HMCN1: variants seen among roughly 807,000 people sequenced by gnomAD.
HMCN1 encodes hemicentin-1.
Under a neutral mutation model 625.9 loss-of-function variants are expected in HMCN1, and 321 were observed. The observed-to-expected ratio is 0.51, with a 90% confidence interval of 0.47 to 0.56. The LOEUF is 0.56. Among genes scored for constraint, HMCN1 ranks in the 20% least tolerant of loss-of-function variants. The pLI is 0.00. For synonymous variants in HMCN1, 2,425 were observed against 2,417.6 expected, an observed-to-expected ratio of 1.00 and a Z score of -0.09; for missense variants, 6,588 against 6,887.3, an observed-to-expected ratio of 0.96 and a Z score of 1.54.
chr1:185,879,719 G>A (rs185301255), intron 4 of HMCN1, among the ~76,000 whole-genome samples: 2 of 152,184 alleles, frequency 1.3e-5, no homozygotes, highest in African/African-American at 4.8e-5. Context: ...TTGTGAGAAA[G>A]TAAGACGTCT....
chr1:185,764,050 A>C (rs1271021392), intron 1 of HMCN1, among the ~76,000 whole-genome samples: 1 of 152,186 alleles, frequency 6.6e-6, no homozygotes, highest in African/African-American at 2.4e-5. Flanking sequence ...ATGGGAAGGA[A>C]GCCAGTTCCT....
intron 1 of HMCN1, among the ~76,000 whole-genome samples, chr1:185,766,896 T>C (rs184857026): frequency 1.3e-5 from 2 of 151,164 alleles, no homozygotes; most frequent in African/African-American, 2.4e-5. Flanking sequence ...GTCAGACAGA[T>C]TATAAAACAA....
Position 185,956,706 on chromosome 1 carries a change from C to CT in HMCN1, c.1829-5810dup, listed in dbSNP as rs1395115708. ...ACGGGCCATCAGTGATCATCGCTGC[C>CT]TTCATCTCCTCTCCCTTCCCTGGAT... On this transcript the variant is annotated intron_variant, in intron 11 of 106. Transcript: ENST00000271588. 2.6e-5 allele frequency among the ~76,000 whole-genome samples: 4 copies of CT among 152,250 alleles called. No individual in the cohort carries two copies. In the East Asian group the frequency reaches 7.7e-4, roughly 29 times the overall value.
At chr1:186,011,705 G>T (rs1654014485) in intron 30 of HMCN1, among the ~76,000 whole-genome samples, 1 of 152,098 alleles carries the variant, frequency 6.6e-6, no homozygotes, top group Non-Finnish European at 1.5e-5. Flanking sequence ...CTTTTTGCTT[G>T]AACTTTTGAC....
At chr1:185,838,684 A>C (rs1273447583) in intron 1 of HMCN1, among the ~76,000 whole-genome samples, 2 of 152,216 alleles carry the variant, frequency 1.3e-5, no homozygotes, top group Non-Finnish European at 2.9e-5. Flanking sequence ...GTGACTGCAA[A>C]GCATTAGACC....
rs780647570 is a variant in HMCN1, at chr1:186,115,434, C to T, written c.11561+20C>T. On this transcript the variant is annotated intron_variant, in intron 75 of 106. Transcript: ENST00000271588. ...ATACAGGTAAGGATAATTTAAAACT[C>T]CTACCAACTATTTACAAACAGTTTG... is the stretch of plus-strand genomic sequence containing the variant. 6.2e-7 allele frequency: 1 copy of T among 1,602,554 alleles called. No homozygotes were observed. Among genetic ancestry groups the T allele is most frequent in the Non-Finnish European group, 8.5e-7 (1 of 1,171,180 alleles).
chr1:185,783,314 GT>G (rs1428862717), intron 1 of HMCN1, among the ~76,000 whole-genome samples: 2 of 152,144 alleles, frequency 1.3e-5, no homozygotes, highest in Non-Finnish European at 2.9e-5. Context: ...GCTTGGAGAA[GT>G]TTGATCATTT....
At chr1:186,160,347 T>G (rs1651366147) in intron 97 of HMCN1, among the ~76,000 whole-genome samples, 1 of 148,712 alleles carries the variant, frequency 6.7e-6, no homozygotes, top group Admixed American at 6.7e-5. Flanking sequence ...GTCTATCAAT[T>G]TTGTTGATCC....
chr1:185,800,239 T>C (rs1411701106), intron 1 of HMCN1, among the ~76,000 whole-genome samples: 6 of 152,232 alleles, frequency 3.9e-5, no homozygotes, highest in African/African-American at 1.2e-4. Context: ...CCAAGCAGGC[T>C]GCATTGCTTC....
intron 4 of HMCN1, among the ~76,000 whole-genome samples, chr1:185,889,553 A>C (rs1249012404): frequency 2.6e-3 from 340 of 132,346 alleles, no homozygotes; most frequent in African/African-American, 0.012. Context: ...CCTTTTCTGC[A>C]TCTATTGAGA....
At chr1:186,071,477 A>G (rs1658478997) in intron 52 of HMCN1, among the ~76,000 whole-genome samples, 2 of 152,202 alleles carry the variant, frequency 1.3e-5, no homozygotes, top group South Asian at 4.1e-4. Flanking sequence ...TGTTGATCTT[A>G]GACCAAAATA....
In HMCN1 at chr1:185,813,551, A is replaced by G. The variant is rs1256928179; in HGVS notation, c.269-32475A>G. ...CTAGCCTACAAAAGGTATATATAAT[A>G]TATGGATCTGTCAGTACCAGCAGGT... is the stretch of plus-strand genomic sequence containing the variant. On this transcript the variant is annotated intron_variant, in intron 1 of 106. Coordinates refer to ENST00000271588, the MANE Select transcript of HMCN1 (RefSeq NM_031935.3). 6.6e-5 allele frequency among the ~76,000 whole-genome samples: 10 copies of G among 152,254 alleles called. No homozygotes were observed. In the East Asian group the frequency reaches 1.4e-3, roughly 21 times the overall value.
intron 4 of HMCN1, among the ~76,000 whole-genome samples, chr1:185,894,230 TA>T (rs1236605775): frequency 6.6e-6 from 1 of 152,216 alleles, no homozygotes; most frequent in East Asian, 1.9e-4. Context: ...GTGTCCTTCG[TA>T]TAAATGAAAT....
In HMCN1 at chr1:186,108,461, T is replaced by C; in HGVS notation, c.10853T>C (p.Val3618Ala). The C allele has an allele frequency of 6.2e-7, 1 of 1,614,146 alleles. No individual in the cohort carries two copies. The change falls in exon 71 of 107, where the codon GTA becomes GCA. Residue 3618 changes from valine (V) to alanine (A), a missense_variant and splice_region_variant. Transcript: ENST00000271588. ...TTGTTGTATTTGTTCTCACACCCAG[T>C]ACCTCCTAATATTGCTGGAACTGAT... ...DDKEYLVRVH[V>A]PPNIAGTDEP...
chr1:186,138,483 A>T (rs1649761829), intron 89 of HMCN1, among the ~76,000 whole-genome samples: 1 of 152,224 alleles, frequency 6.6e-6, no homozygotes, highest in African/African-American at 2.4e-5. Flanking sequence ...AATTAAAGTG[A>T]CAAATCAAAC....
chr1:185,915,460 T>C (rs1666650355), intron 6 of HMCN1, among the ~76,000 whole-genome samples: 1 of 152,074 alleles, frequency 6.6e-6, no homozygotes, highest in South Asian at 2.1e-4. Context: ...GTTTAGGTGG[T>C]ACAAATGTTT....
chr1:186,069,096 C>T (rs1658322933), intron 50 of HMCN1, among the ~76,000 whole-genome samples: 4 of 152,258 alleles, frequency 2.6e-5, no homozygotes, highest in South Asian at 2.1e-4. Context: ...ATAGAATTCT[C>T]ACCCACTACC....
chr1:186,026,603 C>T (rs187761467), intron 36 of HMCN1, among the ~76,000 whole-genome samples: 2 of 152,212 alleles, frequency 1.3e-5, no homozygotes, highest in East Asian at 3.9e-4. Flanking sequence ...TCAACCAACC[C>T]TGTAGTTACT....
chr1:185,939,645 T>C (rs1186629826), intron 11 of HMCN1, among the ~76,000 whole-genome samples: 1 of 152,190 alleles, frequency 6.6e-6, no homozygotes, highest in Admixed American at 6.5e-5. Flanking sequence ...TTTGTGTAAA[T>C]AGGATTTAAA....
Sources: allele counts gnomAD v4.1 joint callset (sites outside exome capture counted in the v4.1 genomes callset), GRCh38; gene constraint gnomAD v4.1.1; transcripts MANE v1.5; gene names NCBI Gene and HGNC (gene_info 2026-07-23, HGNC 2026-07-21).